Variants in PCDH15 observed in about 807,000 individuals in gnomAD.
The protein encoded by PCDH15 is protocadherin-15.
PCDH15 carries 129 observed loss-of-function variants against 178.5 expected under a neutral mutation model. The ratio of observed to expected loss-of-function variants is 0.72; its 90% confidence interval spans 0.63 to 0.84. The LOEUF is 0.84. Ranked by LOEUF, PCDH15 falls within the 40% of genes least tolerant of loss-of-function variation. The pLI, the probability that PCDH15 is intolerant of heterozygous loss-of-function variation, is 0.00. For synonymous variants in PCDH15, 800 were observed against 732.0 expected, an observed-to-expected ratio of 1.09 and a Z score of -1.50; for missense variants, 2,230 against 2,099.9, an observed-to-expected ratio of 1.06 and a Z score of -1.21.
chr10:54,792,145 C>T (rs1951478230), intron 1 of PCDH15, among the ~76,000 whole-genome samples: 2 of 151,712 alleles, frequency 1.3e-5, no homozygotes, highest in Admixed American at 1.3e-4. Context: ...AGATGCAGGT[C>T]CAAAAAGCTC....
At chr10:53,812,284 T>C (rs1588886093) in intron 35 of PCDH15, among the ~76,000 whole-genome samples, 2 of 152,362 alleles carry the variant, frequency 1.3e-5, no homozygotes, top group African/African-American at 4.8e-5. Context: ...CTTGGCTCAC[T>C]ACAGGCTCTG....
chr10:53,849,128 A>G (rs565705435), intron 28 of PCDH15, among the ~76,000 whole-genome samples: 1 of 152,286 alleles, frequency 6.6e-6, no homozygotes, highest in South Asian at 2.1e-4. Context: ...GAATACTAAA[A>G]AAGTAAAAAA....
At chr10:55,496,036 G>T (rs1840526128) in intron 2 of PCDH15, among the ~76,000 whole-genome samples, 1 of 151,876 alleles carries the variant, frequency 6.6e-6, no homozygotes. Flanking sequence ...TCAAAGGGAT[G>T]TGAAGTGGCT....
Position 54,070,199 on chromosome 10 carries a change from G to A in PCDH15, c.2092-3314C>T, listed in dbSNP as rs770921692. ...ATTCTCAACAATGCAAGATATTTCT[G>A]TTTTTGTTTGTTTGTTTGTTTTGAG... On this transcript the variant is annotated intron_variant, in intron 17 of 37. Transcript: ENST00000644397. 3.9e-5 allele frequency among the ~76,000 whole-genome samples: 6 copies of A among 152,120 alleles called. No homozygotes were observed. The East Asian group carries it at 5.8e-4, about 15-fold the overall frequency.
chr10:54,744,616 GT>G (rs1945228866), intron 1 of PCDH15, among the ~76,000 whole-genome samples: 1 of 152,054 alleles, frequency 6.6e-6, no homozygotes, highest in African/African-American at 2.4e-5. Flanking sequence ...GTATACCAAA[GT>G]TGAAAAAGAC....
At chr10:55,254,511 C>A (rs1046244595) in intron 1 of PCDH15, among the ~76,000 whole-genome samples, 9 of 152,044 alleles carry the variant, frequency 5.9e-5, no homozygotes, top group African/African-American at 1.9e-4. Flanking sequence ...GAGTAACAGA[C>A]CAAAGCAAAA....
At chr10:54,243,615 A>G (rs1033411666) in intron 8 of PCDH15, among the ~76,000 whole-genome samples, 3 of 152,186 alleles carry the variant, frequency 2.0e-5, no homozygotes, top group Non-Finnish European at 4.4e-5. Context: ...GCTTGTTTCC[A>G]TGTGTTACTA....
At chr10:54,170,131 G>T (rs10825251) in intron 13 of PCDH15, among the ~76,000 whole-genome samples, 3 of 108,870 alleles carry the variant, frequency 2.8e-5, no homozygotes, top group Admixed American at 9.3e-5. Context: ...AGCTTCACAG[G>T]CAGCCCCCAT....
chr10:54,959,910 T>A (rs550463824), intron 2 of PCDH15, among the ~76,000 whole-genome samples: 43 of 152,258 alleles, frequency 2.8e-4, no homozygotes, highest in African/African-American at 8.2e-4. Flanking sequence ...CTGACATGTA[T>A]CTGGCCAGGC....
At position 53,867,113 on chromosome 10, in the gene PCDH15, C is replaced by G. The variant is rs181271304; in HGVS notation, c.3502-256G>C. Among the ~76,000 whole-genome samples the G allele has an allele frequency of 2.0e-5, 3 of 152,112 alleles. No homozygotes were observed. The East Asian group carries it at 5.8e-4, about 30-fold the overall frequency. ...AGGGACATAGGTATAATTCTGTACC[C>G]TTTAACAAATTTCTCCCTACCCCTC... is the stretch of plus-strand genomic sequence containing the variant. On this transcript the variant is annotated intron_variant, in intron 26 of 37. Coordinates refer to ENST00000644397, the MANE Select transcript of PCDH15 (RefSeq NM_001384140.1).
intron 37 of PCDH15, chr10:53,808,947 ACTTT>A (rs1416964492): frequency 6.4e-7 from 1 of 1,559,718 alleles, no homozygotes; most frequent in Non-Finnish European, 8.7e-7. Context: ...GGGCTGGTCC[ACTTT>A]CTTCTTCTTC....
At chr10:54,832,753 G>T (rs1051351951) in intron 3 of PCDH15, among the ~76,000 whole-genome samples, 3 of 152,098 alleles carry the variant, frequency 2.0e-5, no homozygotes, top group East Asian at 1.9e-4. Flanking sequence ...GATAATTAGT[G>T]CAATATGACA....
intron 2 of PCDH15, among the ~76,000 whole-genome samples, chr10:54,925,282 G>A (rs1270835013): frequency 1.3e-5 from 2 of 151,988 alleles, no homozygotes; most frequent in Admixed American, 6.6e-5. Context: ...CTGGGTTCTC[G>A]ATTCTGTTCC....
chr10:54,028,748 T>C (rs1254119291), intron 18 of PCDH15, among the ~76,000 whole-genome samples: 2 of 140,956 alleles, frequency 1.4e-5, no homozygotes, highest in Non-Finnish European at 3.0e-5. Context: ...TGAGATCACA[T>C]GGACACAGGA....
chr10:54,747,806 A>ATTTTTTTTTTTT lies in PCDH15; in HGVS notation c.-29+53107_-29+53118dup, dbSNP rs10628733. Among the ~76,000 whole-genome samples the ATTTTTTTTTTTT allele has an allele frequency of 1.3e-4, 17 of 135,554 alleles. 1 individual carries two copies. The highest frequency in any genetic ancestry group is 4.4e-4 in the East Asian group (2 of 4,504). The allele number at this position is 135,554 out of a possible 152,430, so 88.9% of individuals were successfully genotyped here. On this transcript the variant is annotated intron_variant, in intron 1 of 37. Coordinates refer to ENST00000644397, the MANE Select transcript of PCDH15 (RefSeq NM_001384140.1). ...AAAAATAAAATCACTCAATGGTTAC[A>ATTTTTTTTTTTT]TTTTTTTTTTTTTTTTTGAGACGGA...
chr10:54,886,164 G>A (rs1954354483), intron 3 of PCDH15, among the ~76,000 whole-genome samples: 1 of 145,238 alleles, frequency 6.9e-6, no homozygotes, highest in African/African-American at 2.8e-5. Flanking sequence ...GTTAATGGCA[G>A]TAGGTTCAAA....
intron 2 of PCDH15, among the ~76,000 whole-genome samples, chr10:54,559,850 TAAAAAAA>T (rs80250003): frequency 1.1e-4 from 8 of 73,102 alleles, no homozygotes; most frequent in Admixed American, 4.9e-4. Flanking sequence ...TGTCTTATAG[TAAAAAAA>T]AAAAAAAAAA....
rs1422919743 is a variant in PCDH15, at chr10:55,300,184, G to C, written c.-156+19415C>G. ...ACATTAGCCTCTGAAATATTTTATTGTTCTCCACAGAAATTGAAATCCAAA... is the reference window on the plus strand; with the variant it reads ...ACATTAGCCTCTGAAATATTTTATTCTTCTCCACAGAAATTGAAATCCAAA... On this transcript the variant is annotated intron_variant, in intron 1 of 5. Coordinates refer to the PCDH15 transcript ENST00000458638. 2.0e-5 allele frequency among the ~76,000 whole-genome samples: 3 copies of C among 152,096 alleles called. No individual in the cohort carries two copies. The East Asian group carries it at 5.8e-4, about 29-fold the overall frequency.
chr10:55,523,154 T>C (rs2132167375), intron 2 of PCDH15, among the ~76,000 whole-genome samples: 1 of 150,282 alleles, frequency 6.7e-6, no homozygotes, highest in South Asian at 2.1e-4. Flanking sequence ...TGAACATTCA[T>C]ATTCCTCCTA....
Sources: allele counts gnomAD v4.1 joint callset (sites outside exome capture counted in the v4.1 genomes callset), GRCh38; gene constraint gnomAD v4.1.1; transcripts MANE v1.5; gene names NCBI Gene and HGNC (gene_info 2026-07-23, HGNC 2026-07-21).